Variants in ZNF438 observed in about 807,000 individuals in gnomAD.
The protein encoded by ZNF438 is zinc finger protein 438.
In ZNF438, 25 loss-of-function variants were observed where a neutral mutation model predicts 38.0. That is an observed-to-expected ratio of 0.66 (90% CI 0.48 to 0.92). The LOEUF is 0.92. Ranked by LOEUF, ZNF438 falls within the 40% of genes least tolerant of loss-of-function variation. The pLI is 0.00. For synonymous variants in ZNF438, 372 were observed against 364.1 expected, an observed-to-expected ratio of 1.02 and a Z score of -0.25; for missense variants, 1,007 against 999.6, an observed-to-expected ratio of 1.01 and a Z score of -0.10.
chr10:30,948,099 CT>C (rs113068206), intron 1 of ZNF438, among the ~76,000 whole-genome samples: 76 of 152,316 alleles, frequency 5.0e-4, no homozygotes, highest in African/African-American at 1.8e-3. Flanking sequence ...CCCCTGACCC[CT>C]GAGCAGCCTA....
intron 1 of ZNF438, among the ~76,000 whole-genome samples, chr10:30,973,254 G>C (rs913950580): frequency 4.6e-5 from 7 of 152,114 alleles, no homozygotes; most frequent in Non-Finnish European, 1.0e-4. Flanking sequence ...TGGCACTCTA[G>C]TTACCTATTT....
At chr10:30,883,047 G>A (rs2039473795) in intron 3 of ZNF438, among the ~76,000 whole-genome samples, 1 of 152,044 alleles carries the variant, frequency 6.6e-6, no homozygotes, top group Admixed American at 6.6e-5. Context: ...AAATAACAAT[G>A]AGATAATGCT....
intron 3 of ZNF438, among the ~76,000 whole-genome samples, chr10:30,896,257 C>T (rs564294430): frequency 4.7e-5 from 7 of 148,500 alleles, no homozygotes; most frequent in South Asian, 2.2e-4. Context: ...GACCGCGCCA[C>T]GGCACTCCAG....
intron 1 of ZNF438, among the ~76,000 whole-genome samples, chr10:31,030,320 G>C (rs1374858127): frequency 6.6e-6 from 1 of 152,032 alleles, no homozygotes; most frequent in Non-Finnish European, 1.5e-5. Flanking sequence ...CATTATGCAC[G>C]TATTGTTCGT....
chr10:30,997,435 G>A (rs1471109876), intron 1 of ZNF438, among the ~76,000 whole-genome samples: 1 of 151,870 alleles, frequency 6.6e-6, no homozygotes. Flanking sequence ...GAAAATGAAC[G>A]CAAAAAGAAA....
chr10:30,879,747 A>G (rs2038954464), intron 3 of ZNF438, among the ~76,000 whole-genome samples: 1 of 152,216 alleles, frequency 6.6e-6, no homozygotes. Context: ...CTGAAGGCAC[A>G]GCTATTGAGA....
At chr10:31,001,248 A>G (rs920312841) in intron 1 of ZNF438, among the ~76,000 whole-genome samples, 4 of 152,260 alleles carry the variant, frequency 2.6e-5, no homozygotes, top group Non-Finnish European at 4.4e-5. Context: ...TTTATATTTG[A>G]CATTATTAAA....
chr10:30,947,997 G>A (rs1248250810), intron 1 of ZNF438, among the ~76,000 whole-genome samples: 8 of 152,192 alleles, frequency 5.3e-5, no homozygotes, highest in South Asian at 2.1e-4. Flanking sequence ...GCTGGGAGCT[G>A]TAGACCGGAG....
At chr10:30,976,514 G>A (rs1224993453) in intron 1 of ZNF438, among the ~76,000 whole-genome samples, 2 of 152,200 alleles carry the variant, frequency 1.3e-5, no homozygotes, top group African/African-American at 4.8e-5. Context: ...GGCTAGGCCA[G>A]AAGGATCGCT....
intron 1 of ZNF438, among the ~76,000 whole-genome samples, chr10:31,002,061 C>T (rs980878190): frequency 1.3e-5 from 2 of 152,212 alleles, no homozygotes; most frequent in Admixed American, 1.3e-4. Context: ...TAAAATGGCA[C>T]AGCATGTTCA....
intron 1 of ZNF438, among the ~76,000 whole-genome samples, chr10:30,996,838 A>G (rs2054096745): frequency 6.6e-6 from 1 of 152,154 alleles, no homozygotes; most frequent in Admixed American, 6.5e-5. Context: ...TTAATCACAC[A>G]AAGAATGTTC....
intron 3 of ZNF438, among the ~76,000 whole-genome samples, chr10:30,886,050 A>C (rs2039909740): frequency 6.6e-6 from 1 of 152,218 alleles, no homozygotes; most frequent in Admixed American, 6.5e-5. Context: ...ATGATTACTG[A>C]TACTCAACTA....
intron 1 of ZNF438, among the ~76,000 whole-genome samples, chr10:30,982,774 TTCTTA>T (rs2052355683): frequency 6.6e-6 from 1 of 152,226 alleles, no homozygotes; most frequent in South Asian, 2.1e-4. Context: ...CAAAGTTTCC[TTCTTA>T]TAAGTCTTTT....
rs751298192 is a variant in ZNF438 at position 30,961,266 on chromosome 10, A to AT, written c.-191-19616dup. Among the ~76,000 whole-genome samples, 247 of 141,864 alleles carry AT rather than the reference A, an allele frequency of 1.7e-3. 8 individuals carry two copies. The highest frequency in any genetic ancestry group is 5.1e-3 in the African/African-American group (206 of 40,310). The allele number at this position is 141,864 out of a possible 152,430, so 93.1% of individuals were successfully genotyped here. On this transcript the variant is annotated intron_variant, in intron 1 of 5. Transcript: ENST00000413025. Reference sequence around the variant, plus strand: ...TAAAAAAAAAAAATTAAAAAAAAAAATTTTTTAATTTATTATACCTTTTTA... The same window carrying AT: ...TAAAAAAAAAAAATTAAAAAAAAAAATTTTTTTAATTTATTATACCTTTTTA...
chr10:30,910,305 T>C (rs2134531117), intron 2 of ZNF438: 1 of 152,280 alleles, frequency 6.6e-6, no homozygotes, highest in Admixed American at 6.5e-5. Context: ...ATGACAGCAA[T>C]AATGAATAGG....
intron 1 of ZNF438, among the ~76,000 whole-genome samples, chr10:30,977,363 T>C (rs1045003664): frequency 3.3e-5 from 5 of 152,228 alleles, no homozygotes; most frequent in African/African-American, 9.6e-5. Flanking sequence ...TTCTTTTTCA[T>C]GCCAAAATAT....
chr10:30,918,522 G>A (rs2043912495), intron 2 of ZNF438, among the ~76,000 whole-genome samples: 1 of 152,064 alleles, frequency 6.6e-6, no homozygotes, highest in Admixed American at 6.5e-5. Context: ...ATAGGAAATA[G>A]GTTCTATTAA....
At chr10:30,875,832 G>GC (rs748892237) in intron 4 of ZNF438, among the ~76,000 whole-genome samples, 47 of 152,340 alleles carry the variant, frequency 3.1e-4, no homozygotes, top group Admixed American at 7.8e-4. Flanking sequence ...GGCATCCCAG[G>GC]CAAGAGGCGG....
At chr10:30,946,590 C>T (rs118172951) in intron 1 of ZNF438, among the ~76,000 whole-genome samples, 12,077 of 152,242 alleles carry the variant, frequency 0.079, 574 homozygotes, top group Non-Finnish European at 0.11. Context: ...AAACACATGA[C>T]TCTTTTACTT....
Sources: allele counts gnomAD v4.1 joint callset (sites outside exome capture counted in the v4.1 genomes callset), GRCh38; gene constraint gnomAD v4.1.1; transcripts MANE v1.5; gene names NCBI Gene and HGNC (gene_info 2026-07-23, HGNC 2026-07-21).